DIP2C: variants seen among roughly 807,000 people sequenced by gnomAD.
DIP2C encodes disco-interacting protein 2 homolog C.
DIP2C carries 33 observed loss-of-function variants against 192.4 expected under a neutral mutation model. That is an observed-to-expected ratio of 0.17 (90% CI 0.13 to 0.23). The LOEUF (loss-of-function observed/expected upper bound fraction) is 0.23. Ranked by LOEUF, DIP2C falls within the 10% of genes least tolerant of loss-of-function variation. The pLI is 1.00. For synonymous variants in DIP2C, 979 were observed against 864.1 expected, an observed-to-expected ratio of 1.13 and a Z score of -2.33; for missense variants, 1,537 against 2,110.1, an observed-to-expected ratio of 0.73 and a Z score of 5.32.
At chr10:459,814 C>A (rs184087074) in intron 3 of DIP2C, among the ~76,000 whole-genome samples, 3 of 137,160 alleles carry the variant, frequency 2.2e-5, no homozygotes, top group South Asian at 4.6e-4. Context: ...CTTCCCACAG[C>A]CACATCAGGG....
chr10:317,836 C>T (rs902684508), intron 31 of DIP2C, among the ~76,000 whole-genome samples: 3 of 152,196 alleles, frequency 2.0e-5, no homozygotes, highest in Non-Finnish European at 4.4e-5. Flanking sequence ...CGTGAGACAT[C>T]CAAAAACACT....
intron 4 of DIP2C, among the ~76,000 whole-genome samples, chr10:432,833 A>G (rs112069038): frequency 2.0e-5 from 3 of 152,332 alleles, no homozygotes; most frequent in East Asian, 1.9e-4. Context: ...CAAATTTTAA[A>G]AAGTTTTCAT....
intron 1 of DIP2C, among the ~76,000 whole-genome samples, chr10:592,068 TTCTGG>T (rs1851436303): frequency 6.6e-6 from 1 of 152,188 alleles, no homozygotes; most frequent in African/African-American, 2.4e-5. Flanking sequence ...TAGCCATGTG[TTCTGG>T]GGTATTCAAC....
rs77299831 is a variant in DIP2C at position 376,941 on chromosome 10, G to C, written c.1991+5706C>G. Among the ~76,000 whole-genome samples, 920 of 152,278 alleles carry C rather than the reference G, an allele frequency of 6.0e-3. 4 individuals carry two copies. The highest frequency in any genetic ancestry group is 0.014 in the Middle Eastern group (4 of 294). Reference sequence around the variant, plus strand: ...AGACTTTCAAAAACACAACAGATAAGTGAGATTGCGATTTTTAATAGGAAA... The same window carrying C: ...AGACTTTCAAAAACACAACAGATAACTGAGATTGCGATTTTTAATAGGAAA... On this transcript the variant is annotated intron_variant, in intron 17 of 36. Transcript: ENST00000280886.
chr10:389,415 C>T (rs982068842), intron 13 of DIP2C, among the ~76,000 whole-genome samples: 13 of 152,168 alleles, frequency 8.5e-5, no homozygotes, highest in African/African-American at 3.1e-4. Flanking sequence ...CCCCTCTTTG[C>T]CTCCCATACC....
rs187143740 is a variant in DIP2C, at chr10:440,714, C to G, written c.394+157G>C. Among the ~76,000 whole-genome samples, 299 of 152,318 alleles carry G rather than the reference C, an allele frequency of 2.0e-3. 1 individual carries two copies. Among genetic ancestry groups the G allele is most frequent in the Middle Eastern group, 0.01 (3 of 294 alleles). ...CATAATAATGTTACTTTTCCTTCCACGTTTAACTCATACAACACTGTTTTT... is the reference window on the plus strand; with the variant it reads ...CATAATAATGTTACTTTTCCTTCCAGGTTTAACTCATACAACACTGTTTTT... On this transcript the variant is annotated intron_variant, in intron 4 of 36. Coordinates refer to ENST00000280886, the MANE Select transcript of DIP2C (RefSeq NM_014974.3).
chr10:669,772 G>T (rs933732045), intron 1 of DIP2C, among the ~76,000 whole-genome samples: 3 of 152,184 alleles, frequency 2.0e-5, no homozygotes, highest in Non-Finnish European at 4.4e-5. Context: ...ATGCAAAAGT[G>T]ATCTGAAGAC....
intron 1 of DIP2C, among the ~76,000 whole-genome samples, chr10:579,671 G>A (rs941027336): frequency 7.9e-5 from 12 of 151,962 alleles, no homozygotes; most frequent in African/African-American, 2.9e-4. Flanking sequence ...CATAGTGTAT[G>A]TACGTAAGTG....
chr10:545,166 CTTT>C (rs60185327), intron 1 of DIP2C, among the ~76,000 whole-genome samples: 63 of 86,334 alleles, frequency 7.3e-4, no homozygotes, highest in South Asian at 1.2e-3. Flanking sequence ...GGTGTTTTCC[CTTT>C]TTTTTTTTTT....
intron 17 of DIP2C, among the ~76,000 whole-genome samples, chr10:373,800 AG>A (rs1961259699): frequency 6.6e-6 from 1 of 152,202 alleles, no homozygotes; most frequent in South Asian, 2.1e-4. Context: ...CATGCTTCAA[AG>A]AAAATGCTAA....
chr10:459,836 G>A (rs1401704953), intron 3 of DIP2C, among the ~76,000 whole-genome samples: 24 of 147,234 alleles, frequency 1.6e-4, no homozygotes, highest in Admixed American at 5.4e-4. Flanking sequence ...ACTGCGTGCT[G>A]CACGTAGGCT....
At chr10:498,188 C>CA (rs1341629958) in intron 1 of DIP2C, among the ~76,000 whole-genome samples, 3 of 152,202 alleles carry the variant, frequency 2.0e-5, no homozygotes, top group African/African-American at 7.2e-5. Flanking sequence ...TTCATAAACA[C>CA]AGTACTTGAG....
intron 1 of DIP2C, among the ~76,000 whole-genome samples, chr10:534,489 T>C (rs1847584742): frequency 6.6e-6 from 1 of 152,020 alleles, no homozygotes; most frequent in African/African-American, 2.4e-5. Context: ...TAGCGCACAT[T>C]CCTTTAAAAA....
chr10:590,182 C>G (rs7096351), intron 1 of DIP2C, among the ~76,000 whole-genome samples: 10,258 of 152,256 alleles, frequency 0.067, 1,095 homozygotes, highest in African/African-American at 0.22. Flanking sequence ...ACCACTGAGC[C>G]TCTGCGTCCA....
intron 1 of DIP2C, among the ~76,000 whole-genome samples, chr10:558,744 T>C (rs187812960): frequency 1.3e-5 from 2 of 152,008 alleles, no homozygotes; most frequent in African/African-American, 2.4e-5. Context: ...CACCAATAAT[T>C]CCCATCTCGC....
intron 16 of DIP2C, 114 bp downstream of exon 16, chr10:383,913 A>G (rs1962612816): frequency 2.2e-6 from 3 of 1,348,766 alleles, no homozygotes; most frequent in Non-Finnish European, 2.9e-6. Flanking sequence ...AGTGCAAAGA[A>G]TGAAACCTGG....
intron 3 of DIP2C, among the ~76,000 whole-genome samples, chr10:446,596 C>T (rs1051845459): frequency 1.3e-5 from 2 of 152,182 alleles, no homozygotes; most frequent in African/African-American, 4.8e-5. Flanking sequence ...TTGACGAGGG[C>T]CCCAGTGAGT....
At chr10:626,656 A>G (rs1159891631) in intron 1 of DIP2C, among the ~76,000 whole-genome samples, 2 of 151,924 alleles carry the variant, frequency 1.3e-5, no homozygotes, top group Non-Finnish European at 1.5e-5. Flanking sequence ...CGGGGGACAC[A>G]CCCTGGGGAA....
chr10:304,698 AG>A (rs1956222747), intron 32 of DIP2C, among the ~76,000 whole-genome samples: 1 of 53,266 alleles, frequency 1.9e-5, no homozygotes, highest in Admixed American at 2.1e-4. Flanking sequence ...CCCACACACT[AG>A]CACAAACTCA....
Sources: gnomAD v4.1 joint callset for allele counts (sites outside exome capture counted in the v4.1 genomes callset) on GRCh38, gnomAD v4.1.1 for gene constraint, MANE v1.5 for transcripts, NCBI Gene and HGNC (gene_info 2026-07-23, HGNC 2026-07-21) for gene names.